The following CMKLR2 variants were observed in gnomAD, a reference collection of about 807,000 sequenced individuals.
CMKLR2 encodes chemerin chemokine-like receptor 2, also known as chemerin-like receptor 2.
A neutral mutation model predicts 23.0 loss-of-function variants in CMKLR2; 18 were observed. The ratio of observed to expected loss-of-function variants is 0.78; its 90% CI spans 0.54 to 1.16. The LOEUF is 1.16. Ranked by LOEUF, CMKLR2 falls within the 50% of genes most tolerant of loss-of-function variation. The pLI is 0.00. For missense variants in CMKLR2, 401 were observed against 412.7 expected (o/e 0.97, Z 0.25); for synonymous variants, 158 against 158.9 (o/e 0.99, Z 0.05).
chr2:206,209,647 C>CTTT (rs71034424), intron 1 of CMKLR2, among the ~76,000 whole-genome samples: 17 of 134,868 alleles, frequency 1.3e-4, no homozygotes, highest in Admixed American at 2.3e-4. Flanking sequence ...TCTTTTCTTT[C>CTTT]TTTTTTTTTT....
At chr2:206,179,670 A>G (rs550384631) in intron 1 of CMKLR2, among the ~76,000 whole-genome samples, 2 of 152,304 alleles carry the variant, frequency 1.3e-5, no homozygotes, top group African/African-American at 4.8e-5. Flanking sequence ...TTCTGGGTTA[A>G]GAAGACTTGA....
intron 1 of CMKLR2, among the ~76,000 whole-genome samples, chr2:206,210,252 C>T (rs896856316): frequency 6.6e-6 from 1 of 151,984 alleles, no homozygotes; most frequent in African/African-American, 2.4e-5. Flanking sequence ...CCCTGTGTTT[C>T]GTTTTCTGTT....
At chr2:206,216,562 A>G (rs62195406), upstream of CMKLR2, among the ~76,000 whole-genome samples, 72,530 of 152,058 alleles carry the variant, frequency 0.48, 17,877 homozygotes, top group Non-Finnish European at 0.52. Context: ...GATTACAGGT[A>G]TGGGCCACCA....
chr2:206,190,884 T>G (rs1352222543), intron 1 of CMKLR2, among the ~76,000 whole-genome samples: 3 of 152,238 alleles, frequency 2.0e-5, no homozygotes, highest in African/African-American at 7.2e-5. Flanking sequence ...ACACAGCACA[T>G]GTACCGGAAG....
At chr2:206,182,778 C>T (rs1024212958) in intron 1 of CMKLR2, among the ~76,000 whole-genome samples, 3 of 152,036 alleles carry the variant, frequency 2.0e-5, no homozygotes, top group Non-Finnish European at 2.9e-5. Flanking sequence ...CACCATGCCC[C>T]GCTAATTTTT....
chr2:206,177,634 A>T (rs1483998506), intron 1 of CMKLR2, among the ~76,000 whole-genome samples: 4 of 152,070 alleles, frequency 2.6e-5, no homozygotes, highest in Non-Finnish European at 5.9e-5. Flanking sequence ...TGATCCTCCT[A>T]CCTCAGCCTC....
chr2:206,210,490 C>G (rs1249461092), intron 1 of CMKLR2, among the ~76,000 whole-genome samples: 1 of 148,736 alleles, frequency 6.7e-6, no homozygotes, highest in Non-Finnish European at 1.5e-5. Flanking sequence ...CAGAGTTTCA[C>G]TCTTATTGCC....
In CMKLR2 at chr2:206,193,069, G is replaced by A. The variant is rs149370449; in HGVS notation, c.-28-15794C>T. Among the ~76,000 whole-genome samples the A allele has an allele frequency of 2.5e-4, 38 of 151,960 alleles. No individual in the cohort carries two copies. The South Asian group carries it at 4.4e-3, about 17-fold the overall frequency. On this transcript the variant is annotated intron_variant, in intron 1 of 1. Transcript: ENST00000621141. ...ATTTTTTTTCTTCTGAATATTTTTC[G>A]TCTGTGAAACTCAGATATGGAGGGC...
intron 1 of CMKLR2, among the ~76,000 whole-genome samples, chr2:206,193,291 G>C (rs938708186): frequency 6.6e-6 from 1 of 152,172 alleles, no homozygotes; most frequent in Non-Finnish European, 1.5e-5. Flanking sequence ...TAGAGACGGG[G>C]TTTCACCATG....
At chr2:206,186,402 C>T (rs1417770179) in intron 1 of CMKLR2, among the ~76,000 whole-genome samples, 1 of 152,110 alleles carries the variant, frequency 6.6e-6, no homozygotes, top group African/African-American at 2.4e-5. Context: ...TGAGCCACCG[C>T]GCCCGGCCGG....
At position 206,177,234 on chromosome 2, in the gene CMKLR2, T is replaced by G; in HGVS notation, c.14A>C (p.Glu5Ala). The G allele has an allele frequency of 6.3e-7, 1 of 1,594,550 alleles. No individual in the cohort carries two copies. The highest frequency in any genetic ancestry group is 8.6e-7 in the Non-Finnish European group (1 of 1,166,478). ...TTCAAATTCTTCAAATAATGTTTCCTCCAAATCTTCCATGACCTTGCTAAA... is the reference window on the plus strand; with the variant it reads ...TTCAAATTCTTCAAATAATGTTTCCGCCAAATCTTCCATGACCTTGCTAAA... MEDL[E>A]ETLFEEFENY... The change falls in exon 2 of 2, where the codon GAG (glutamate) becomes GCG (alanine). Residue 5 changes from glutamate to alanine, a missense_variant. Coordinates refer to ENST00000621141, the MANE Select transcript of CMKLR2 (RefSeq NM_001389445.1).
At chr2:206,198,939 A>T (rs1689002810) in intron 1 of CMKLR2, among the ~76,000 whole-genome samples, 1 of 152,234 alleles carries the variant, frequency 6.6e-6, no homozygotes, top group African/African-American at 2.4e-5. Context: ...GAAGGTTATA[A>T]ACATCAGCAG....
chr2:206,203,154 A>G (rs1355213037), intron 1 of CMKLR2, among the ~76,000 whole-genome samples: 1 of 106,042 alleles, frequency 9.4e-6, no homozygotes, highest in Admixed American at 9.6e-5. Flanking sequence ...AGTCTCTTCT[A>G]AAACTACAAA....
chr2:206,181,998 T>G (rs1009052862), intron 1 of CMKLR2, among the ~76,000 whole-genome samples: 5 of 146,648 alleles, frequency 3.4e-5, no homozygotes, highest in African/African-American at 5.1e-5. Flanking sequence ...AGAAAACATG[T>G]ATTTACTAGC....
At chr2:206,193,502 T>C (rs1382791443) in intron 1 of CMKLR2, among the ~76,000 whole-genome samples, 1 of 152,228 alleles carries the variant, frequency 6.6e-6, no homozygotes, top group African/African-American at 2.4e-5. Flanking sequence ...TAACTTTACA[T>C]TTGTAGGGCA....
chr2:206,213,853 ATTTTT>A (rs1406146827), upstream of CMKLR2: 1 of 152,094 alleles, frequency 6.6e-6, no homozygotes, highest in Non-Finnish European at 1.5e-5. Flanking sequence ...ACGTTTATTT[ATTTTT>A]ATTTATTTTT....
intron 1 of CMKLR2, among the ~76,000 whole-genome samples, chr2:206,192,528 A>C (rs1688787271): frequency 6.6e-6 from 1 of 151,748 alleles, no homozygotes; most frequent in Non-Finnish European, 1.5e-5. Context: ...CCTGTCTCTT[A>C]AACAACAACA....
chr2:206,189,688 CAA>C (rs1688691434), intron 1 of CMKLR2, among the ~76,000 whole-genome samples: 1 of 150,992 alleles, frequency 6.6e-6, no homozygotes, highest in African/African-American at 2.4e-5. Context: ...TTGATGGACA[CAA>C]GAGAGAAATT....
chr2:206,180,609 A>T (rs967759612), intron 1 of CMKLR2, among the ~76,000 whole-genome samples: 5 of 151,482 alleles, frequency 3.3e-5, no homozygotes, highest in Admixed American at 1.3e-4. Context: ...TGATATTTTT[A>T]TTTTTGTAGA....
Sources: gnomAD v4.1 joint callset for allele counts (sites outside exome capture counted in the v4.1 genomes callset) on GRCh38, gnomAD v4.1.1 for gene constraint, MANE v1.5 for transcripts, NCBI Gene and HGNC (gene_info 2026-07-23, HGNC 2026-07-21) for gene names.